MACF1: variants seen among roughly 807,000 people sequenced by gnomAD.
MACF1 encodes the protein microtubule actin crosslinking factor 1.
Under a neutral mutation model 854.8 loss-of-function variants are expected in MACF1, and 193 were observed. The observed-to-expected ratio is 0.23, with a 90% CI of 0.20 to 0.25. The LOEUF is 0.25. MACF1 is among the 10% of genes least tolerant of loss of function. The probability of loss-of-function intolerance (pLI) is 1.00; values close to 1 mark genes in which losing one functional copy is unlikely to be tolerated. For synonymous variants in MACF1, 3,185 were observed against 3,226.7 expected (o/e 0.99, Z 0.44); for missense variants, 7,722 against 8,929.1 (o/e 0.86, Z 5.45).
At chr1:39,121,599 A>G (rs1416674915) in intron 2 of MACF1, among the ~76,000 whole-genome samples, 1 of 152,024 alleles carries the variant, frequency 6.6e-6, no homozygotes, top group East Asian at 1.9e-4. Flanking sequence ...GGCGCGTGCC[A>G]CCACTCCGGG....
chr1:39,441,708 C>T (rs1257120883), intron 74 of MACF1, among the ~76,000 whole-genome samples: 3 of 152,162 alleles, frequency 2.0e-5, no homozygotes, highest in African/African-American at 7.2e-5. Context: ...CACTTTTATT[C>T]AAATTTAGTA....
At chr1:39,422,210 A>G (rs1284089817) in intron 58 of MACF1, among the ~76,000 whole-genome samples, 164 bp from the exon 59 acceptor site, 1 of 152,176 alleles carries the variant, frequency 6.6e-6, no homozygotes, top group Non-Finnish European at 1.5e-5. Flanking sequence ...GAAATACAAA[A>G]CCACATGTTT....
At chr1:39,483,879 C>T (rs752405568) in intron 99 of MACF1, among the ~76,000 whole-genome samples, 6 of 152,162 alleles carry the variant, frequency 3.9e-5, no homozygotes, top group African/African-American at 9.7e-5. Flanking sequence ...GGGCCAGGTG[C>T]GGTGGCTCAC....
At chr1:39,191,199 C>CTTTTTTTTT (rs10708375) in intron 2 of MACF1, among the ~76,000 whole-genome samples, 1 of 135,482 alleles carries the variant, frequency 7.4e-6, no homozygotes, top group African/African-American at 2.7e-5. Context: ...TTCTTTCTTT[C>CTTTTTTTTT]TTTTTTTTTT....
chr1:39,407,679 G>A (rs1331399506), intron 58 of MACF1, among the ~76,000 whole-genome samples: 1 of 152,162 alleles, frequency 6.6e-6, no homozygotes, highest in African/African-American at 2.4e-5. Flanking sequence ...TTTTGCCAAG[G>A]ACCAGTCTGA....
chr1:39,381,809 T>TA, intron 55 of MACF1, 144 bp from the exon 56 acceptor site: 1 of 662,534 alleles, frequency 1.5e-6, no homozygotes, highest in Non-Finnish European at 2.7e-6. Context: ...TCCTGGGTGA[T>TA]AGAGTGAGAC....
intron 2 of MACF1, among the ~76,000 whole-genome samples, chr1:39,092,738 A>G (rs1641836337): frequency 6.6e-6 from 1 of 151,798 alleles, no homozygotes; most frequent in Non-Finnish European, 1.5e-5. Flanking sequence ...TCATTCATAC[A>G]CCGCTGTCAG....
chr1:39,204,957 A>G lies in MACF1; in HGVS notation c.-66A>G. ...ACAGGACAACAGTAACCTCAGGAGAAAGGCATCCAGAGGCCTGCGCTGAGC... is the reference window on the plus strand; with the variant it reads ...ACAGGACAACAGTAACCTCAGGAGAGAGGCATCCAGAGGCCTGCGCTGAGC... On this transcript the variant is annotated 5_prime_UTR_variant, in exon 1 of 101. Coordinates refer to ENST00000564288, the MANE Select transcript of MACF1 (RefSeq NM_001394062.1). 1.4e-6 allele frequency: 1 copy of G among 698,828 alleles called. No individual in the cohort carries two copies. Among genetic ancestry groups the G allele is most frequent in the Non-Finnish European group, 2.6e-6 (1 of 382,772 alleles). 43.3% of individuals were successfully genotyped at this position (698,828 alleles called of 1,614,324 possible). A position where few individuals can be genotyped will look rare whatever the true frequency, so the allele number is the denominator to read the frequency against.
chr1:39,260,526 AGC>A (rs1645150831), intron 6 of MACF1: 1 of 151,878 alleles, frequency 6.6e-6, no homozygotes, highest in African/African-American at 2.4e-5. Context: ...CACCACGCTC[AGC>A]TAATTTTTTT....
intron 2 of MACF1, among the ~76,000 whole-genome samples, chr1:39,172,113 G>C (rs915422736): frequency 6.6e-6 from 1 of 152,168 alleles, no homozygotes; most frequent in African/African-American, 2.4e-5. Flanking sequence ...AAGAGCCATT[G>C]TGCTTGATTT....
In MACF1 at chr1:39,353,036, C is replaced by G. The variant is rs775239619; in HGVS notation, c.11229C>G (p.Asn3743Lys). The change falls in exon 44 of 101, where the codon AAC becomes AAG. Residue 3743 changes from asparagine (N) to lysine (K), a missense_variant. Transcript: ENST00000564288. ...AAGCAGCAAAGGAACTGGCAGAGAA[C>G]AAGAAGAAGATCGATGCTCTCCTGG... The part of the protein sequence containing the change: ...KSKAAKELAE[N>K]KKKIDALLDW... 6 of 1,613,822 alleles carry G rather than the reference C, an allele frequency of 3.7e-6. No individual in the cohort carries two copies. Among genetic ancestry groups the G allele is most frequent in the African/African-American group, 2.7e-5 (2 of 74,890 alleles).
In MACF1 at chr1:39,310,442, G is replaced by C; in HGVS notation, c.3100+14G>C. ...CCATGGAGAATGGTGTGTGCACTGGGAAGAGGGAAAGAGAATAGTAGAATG... is the reference window on the plus strand; with the variant it reads ...CCATGGAGAATGGTGTGTGCACTGGCAAGAGGGAAAGAGAATAGTAGAATG... On this transcript the variant is annotated intron_variant, in intron 25 of 100. Coordinates refer to ENST00000564288, the MANE Select transcript of MACF1 (RefSeq NM_001394062.1). 2 of 1,609,240 alleles carry C rather than the reference G, an allele frequency of 1.2e-6. 1 individual carries two copies. Among genetic ancestry groups the C allele is most frequent in the South Asian group, 2.2e-5 (2 of 90,456 alleles).
Position 39,335,703 on chromosome 1 carries a change from T to G in MACF1, c.9115T>G (p.Phe3039Val). 1 of 1,613,302 alleles carries G rather than the reference T, an allele frequency of 6.2e-7. No homozygotes were observed. Among genetic ancestry groups the G allele is most frequent in the Non-Finnish European group, 8.5e-7 (1 of 1,179,848 alleles). Residue 3039 changes from phenylalanine to valine, a missense_variant, in exon 37 of 101, where the codon TTT becomes GTT. Phe to Val is a conservative substitution (Grantham distance 50, BLOSUM62 -1). Coordinates refer to ENST00000564288, the MANE Select transcript of MACF1 (RefSeq NM_001394062.1). ...TACAGAAATGGGATTTTCTATTACT[T>G]TTAAAATTGAAGAGTCCTCTTCCCA... The part of the protein sequence containing the change: ...ADTEMGFSIT[F>V]KIEESSSQVV...
intron 56 of MACF1, among the ~76,000 whole-genome samples, chr1:39,384,597 A>G (rs1339816693): frequency 6.6e-6 from 1 of 152,214 alleles, no homozygotes; most frequent in Non-Finnish European, 1.5e-5. Context: ...AGCAAGGGAT[A>G]TGAAAAGAAA....
chr1:39,100,077 G>A (rs954057620), intron 2 of MACF1, among the ~76,000 whole-genome samples: 4 of 152,122 alleles, frequency 2.6e-5, no homozygotes, highest in South Asian at 4.1e-4. Context: ...TTATCTGGGC[G>A]TGGTGGCACC....
chr1:39,236,764 C>T (rs1015710205), intron 2 of MACF1, among the ~76,000 whole-genome samples: 4 of 152,054 alleles, frequency 2.6e-5, no homozygotes, highest in Admixed American at 1.3e-4. Context: ...TGGGTTCAAG[C>T]GACTCTCCTG....
At chr1:39,286,636 T>C (rs1164506998) in intron 14 of MACF1, among the ~76,000 whole-genome samples, 1 of 151,652 alleles carries the variant, frequency 6.6e-6, no homozygotes, top group Non-Finnish European at 1.5e-5. Context: ...CCAGCTAATT[T>C]TTGTATTTTT....
At chr1:39,307,901 C>CTTTCTTTCTTTTTTTTTTTTTT (rs1222230255) in intron 23 of MACF1, among the ~76,000 whole-genome samples, 5 of 50,396 alleles carry the variant, frequency 9.9e-5, no homozygotes, top group African/African-American at 3.0e-4. Flanking sequence ...TTCTTTCTTT[C>CTTTCTTTCTTTTTTTTTTTTTT]TTTTTTTTTT....
intron 6 of MACF1, among the ~76,000 whole-genome samples, chr1:39,261,314 T>G (rs556233489): frequency 6.6e-6 from 1 of 152,160 alleles, no homozygotes; most frequent in South Asian, 2.1e-4. Context: ...AATGCATTCA[T>G]AAAAAAAACT....
Sources: allele counts gnomAD v4.1 joint callset (sites outside exome capture counted in the v4.1 genomes callset), GRCh38; gene constraint gnomAD v4.1.1; transcripts MANE v1.5; gene names NCBI Gene and HGNC (gene_info 2026-07-23, HGNC 2026-07-21).